The following KRT86 variants were observed in gnomAD, a reference collection of about 807,000 sequenced individuals.
KRT86 encodes keratin, type II cuticular Hb6.
KRT86 carries 30 observed loss-of-function variants against 41.2 expected under a neutral mutation model. The ratio of observed to expected loss-of-function variants is 0.73; its 90% CI spans 0.54 to 0.99. The LOEUF (loss-of-function observed/expected upper bound fraction) is 0.99. KRT86 is among the 50% of genes least tolerant of loss of function. The pLI is 0.00. For synonymous variants in KRT86, 238 were observed against 238.1 expected (o/e 1.00, Z 0.00); for missense variants, 561 against 571.4 (o/e 0.98, Z 0.19).
intron 2 of KRT86, among the ~76,000 whole-genome samples, chr12:52,300,582 C>T (rs1938349412): frequency 6.6e-6 from 1 of 152,214 alleles, no homozygotes; most frequent in East Asian, 1.9e-4. Context: ...TTGGTTCCTA[C>T]CCAGCCTTTG....
chr12:52,299,677 T>C (rs1259499276), intron 2 of KRT86, among the ~76,000 whole-genome samples: 3 of 152,246 alleles, frequency 2.0e-5, no homozygotes, highest in African/African-American at 7.2e-5. Flanking sequence ...GTGGTATTGA[T>C]TTGTATTTCT....
At chr12:52,302,410 G>A in intron 3 of KRT86, 125 bp downstream of exon 3, 7 of 393,510 alleles carry the variant, frequency 1.8e-5, no homozygotes, top group South Asian at 8.9e-5. Flanking sequence ...GATGGGCGAG[G>A]CACACAGACA....
intron 5 of KRT86, among the ~76,000 whole-genome samples, 178 bp from the exon 6 acceptor site, chr12:52,304,754 C>G (rs1310088674): frequency 6.6e-6 from 1 of 151,460 alleles, no homozygotes; most frequent in Non-Finnish European, 1.5e-5. Flanking sequence ...AGGGTTTGTC[C>G]TCAGAATGGC....
intron 2 of KRT86, chr12:52,288,178 T>C: frequency 1.2e-6 from 2 of 1,612,184 alleles, no homozygotes; most frequent in Non-Finnish European, 1.7e-6. Flanking sequence ...TGACTTTAGT[T>C]GAGAATACAG....
chr12:52,296,469 G>T (rs924814520), intron 2 of KRT86, among the ~76,000 whole-genome samples: 1 of 152,184 alleles, frequency 6.6e-6, no homozygotes, highest in Non-Finnish European at 1.5e-5. Flanking sequence ...GGCGAGGGAG[G>T]TGCAGGCACC....
intron 2 of KRT86, among the ~76,000 whole-genome samples, chr12:52,293,133 G>A (rs1425017378): frequency 1.3e-5 from 2 of 152,242 alleles, no homozygotes; most frequent in South Asian, 2.1e-4. Flanking sequence ...AGGAAAAACT[G>A]TATAGAGAAT....
intron 2 of KRT86, among the ~76,000 whole-genome samples, chr12:52,296,593 G>A (rs1330470064): frequency 2.0e-5 from 3 of 152,178 alleles, no homozygotes; most frequent in Non-Finnish European, 4.4e-5. Flanking sequence ...ACTCCTCTCT[G>A]GTGAGTTCTG....
In KRT86 at chr12:52,287,972, T is replaced by C. The variant is rs139105799; in HGVS notation, c.-5+12026T>C. The C allele has an allele frequency of 1.7e-3, 2,804 of 1,614,192 alleles. 50 individuals carry two copies. The African/African-American group carries it at 0.032, about 18-fold the overall frequency. ...TGACACGTCTAGCAGGCAGGTGTCC[T>C]GTGCCACTCACCTTGCTGCGGTACC... On this transcript the variant is annotated intron_variant, in intron 2 of 10. Coordinates refer to ENST00000423955, the MANE Select transcript of KRT86 (RefSeq NM_001320198.2).
chr12:52,305,587 T>G, intron 7 of KRT86, 76 bp from the exon 8 acceptor site: 1 of 1,612,258 alleles, frequency 6.2e-7, no homozygotes, highest in South Asian at 1.1e-5. Context: ...CTGCACAACC[T>G]GCAAAATCAT....
At chr12:52,294,167 T>C (rs1278869677) in intron 2 of KRT86, among the ~76,000 whole-genome samples, 1 of 152,186 alleles carries the variant, frequency 6.6e-6, no homozygotes, top group Non-Finnish European at 1.5e-5. Context: ...GGGGCACTGC[T>C]CACAATTGAG....
rs780315495 is a variant in KRT86 at position 52,305,711 on chromosome 12, C to T, written c.949C>T (p.Arg317Cys). 2.2e-5 allele frequency: 36 copies of T among 1,614,048 alleles called. No individual in the cohort carries two copies. The highest frequency in any genetic ancestry group is 6.7e-5 in the East Asian group (3 of 44,878). ...GATCAGGCACGGGGAGACCCTGCGC[C>T]GCACCAAGGAGGAGATCAACGAGCT... ...TVIRHGETLR[R>C]TKEEINELNR... The change falls in exon 8 of 11, where the codon CGC becomes TGC. Residue 317 changes from arginine (R) to cysteine (C), a missense_variant. By Grantham distance (180) the Arg-to-Cys change is radical. This residue lies in a region of KRT86 where 397 missense variants were observed against 375.9 expected (regional missense o/e 1.06). Coordinates refer to ENST00000423955, the MANE Select transcript of KRT86 (RefSeq NM_001320198.2).
intron 2 of KRT86, among the ~76,000 whole-genome samples, chr12:52,297,157 T>C (rs948495021): frequency 3.3e-5 from 5 of 152,220 alleles, no homozygotes; most frequent in Admixed American, 6.5e-5. Flanking sequence ...CTAAAGCTTG[T>C]CCTCACCCTT....
At chr12:52,296,529 C>G (rs887719973) in intron 2 of KRT86, among the ~76,000 whole-genome samples, 2 of 152,176 alleles carry the variant, frequency 1.3e-5, no homozygotes, top group Non-Finnish European at 2.9e-5. Context: ...TTGAGTCAGG[C>G]TCCAGCCCCA....
At chr12:52,291,420 A>G in intron 2 of KRT86, 2 of 1,612,034 alleles carry the variant, frequency 1.2e-6, no homozygotes, top group Non-Finnish European at 1.7e-6. Context: ...CCGCAGGCCG[A>G]GATGCAGCTG....
At chr12:52,297,527 A>C (rs1229641860) in intron 2 of KRT86, among the ~76,000 whole-genome samples, 6 of 152,220 alleles carry the variant, frequency 3.9e-5, no homozygotes, top group African/African-American at 1.4e-4. Context: ...TCCAGGGAGC[A>C]GAATGAACCG....
intron 2 of KRT86, among the ~76,000 whole-genome samples, chr12:52,294,872 A>G (rs1938213230): frequency 6.6e-6 from 1 of 152,230 alleles, no homozygotes; most frequent in African/African-American, 2.4e-5. Context: ...AACTTCACAT[A>G]AATGGACTCA....
rs370777625 is a variant in KRT86 at position 52,287,561 on chromosome 12, C to T, written c.-5+11615C>T. The T allele has an allele frequency of 1.7e-5, 28 of 1,613,912 alleles. No homozygotes were observed. In the East Asian group the frequency reaches 1.8e-4, roughly 10 times the overall value. On this transcript the variant is annotated intron_variant, in intron 2 of 10. Transcript: ENST00000423955. ...GGCTGTGTGACAATGGTTAGGCCCT[C>T]GGTCTCTCTGACCTTGCGCACAGAT...
intron 2 of KRT86, among the ~76,000 whole-genome samples, chr12:52,294,347 T>C (rs1236914431): frequency 6.6e-6 from 1 of 152,226 alleles, no homozygotes; most frequent in Non-Finnish European, 1.5e-5. Context: ...ATTTTAAAGA[T>C]GTAAGAATAT....
intron 2 of KRT86, among the ~76,000 whole-genome samples, chr12:52,280,740 A>C (rs1227594827): frequency 6.6e-6 from 1 of 152,242 alleles, no homozygotes. Flanking sequence ...AATGCAAACA[A>C]GCTGCCTGAA....
Sources: allele counts gnomAD v4.1 joint callset (sites outside exome capture counted in the v4.1 genomes callset), GRCh38; gene constraint gnomAD v4.1.1; regional missense constraint gnomAD v4.1.1; transcripts MANE v1.5; gene names NCBI Gene and HGNC (gene_info 2026-07-23, HGNC 2026-07-21).